Variants in LYPD5 observed in about 807,000 individuals in gnomAD.
The protein encoded by LYPD5 is ly6/PLAUR domain-containing protein 5.
In LYPD5, 21 loss-of-function variants were observed where a neutral mutation model predicts 19.1. The observed-to-expected ratio is 1.10, with a 90% CI of 0.78 to 1.58. The LOEUF (loss-of-function observed/expected upper bound fraction) is 1.58, where lower values mean the gene tolerates loss of function less well. LYPD5 is among the 40% of genes most tolerant of loss of function. The pLI is 0.00. For synonymous variants in LYPD5, 128 were observed against 142.7 expected (o/e 0.90, Z 0.74); for missense variants, 287 against 329.8 (o/e 0.87, Z 1.00).
intron 1 of LYPD5, chr19:43,815,815 G>A: frequency 2.8e-6 from 1 of 354,072 alleles, no homozygotes; most frequent in South Asian, 2.3e-5. Context: ...TCAGCTCACT[G>A]CAACCTCTGC....
Position 43,797,287 on chromosome 19 carries a change from A to C in LYPD5, c.*304T>G. ...CAGGCTCTGGAGGGAGAGCACAGGAAGCCGTGTTATGGGGTGCCTGGTGCC... is the reference window on the plus strand; with the variant it reads ...CAGGCTCTGGAGGGAGAGCACAGGACGCCGTGTTATGGGGTGCCTGGTGCC... On this transcript the variant is annotated 3_prime_UTR_variant, in exon 5 of 5. Transcript: ENST00000377950. 2.8e-6 allele frequency: 1 copy of C among 359,274 alleles called. No individual in the cohort carries two copies. The highest frequency in any genetic ancestry group is 5.0e-5 in the East Asian group (1 of 20,056). 22.3% of individuals were successfully genotyped at this position (359,274 alleles called of 1,614,324 possible). A position where few individuals can be genotyped will look rare whatever the true frequency, so the allele number is the denominator to read the frequency against.
chr19:43,812,808 A>C (rs1269802273), intron 1 of LYPD5, among the ~76,000 whole-genome samples: 1 of 152,234 alleles, frequency 6.6e-6, no homozygotes, highest in East Asian at 1.9e-4. Flanking sequence ...CTACACGCAA[A>C]TTAAGGGACA....
chr19:43,813,310 C>T (rs1378772100), intron 1 of LYPD5, among the ~76,000 whole-genome samples: 1 of 151,988 alleles, frequency 6.6e-6, no homozygotes, highest in Non-Finnish European at 1.5e-5. Context: ...GGGAACTCCA[C>T]CGTCTCTCTC....
At chr19:43,819,005 C>G (rs950991164) in intron 1 of LYPD5, among the ~76,000 whole-genome samples, 9 of 152,076 alleles carry the variant, frequency 5.9e-5, no homozygotes, top group African/African-American at 2.2e-4. Context: ...ATTTTCTATT[C>G]TTGTGTAGTC....
chr19:43,805,308 A>T (rs537691231), upstream of LYPD5, among the ~76,000 whole-genome samples: 2 of 152,218 alleles, frequency 1.3e-5, no homozygotes, highest in African/African-American at 4.8e-5. Flanking sequence ...TGATTCCATT[A>T]ATCAAACAAG....
At chr19:43,810,391 C>T (rs1430113240) in intron 1 of LYPD5, among the ~76,000 whole-genome samples, 1 of 151,914 alleles carries the variant, frequency 6.6e-6, no homozygotes, top group Non-Finnish European at 1.5e-5. Flanking sequence ...GGCTGGAGTG[C>T]GCTGGCATCA....
In LYPD5 at chr19:43,798,548, G is replaced by A. The variant is rs767089867; in HGVS notation, c.424C>T (p.His142Tyr). 3.1e-6 allele frequency: 5 copies of A among 1,611,774 alleles called. No homozygotes were observed. The African/African-American group carries it at 6.7e-5, about 22-fold the overall frequency. Residue 142 changes from histidine to tyrosine, a missense_variant, in exon 4 of 5, where the codon CAC becomes TAC. Transcript: ENST00000377950. ...CTGCCGATAGCGCAGTCATCCTGGTGGACCCCGATACAGGCGTAGCACTCG... is the reference window on the plus strand; with the variant it reads ...CTGCCGATAGCGCAGTCATCCTGGTAGACCCCGATACAGGCGTAGCACTCG... ...GAECYACIGV[H>Y]QDDCAIGRSR...
At chr19:43,805,898 A>G (rs1970266858), upstream of LYPD5, among the ~76,000 whole-genome samples, 1 of 83,330 alleles carries the variant, frequency 1.2e-5, no homozygotes, top group African/African-American at 5.9e-5. Context: ...GTTCAGTAGT[A>G]TCAAGTGTAT....
chr19:43,812,210 G>A (rs1416807061), intron 1 of LYPD5, among the ~76,000 whole-genome samples: 1 of 152,126 alleles, frequency 6.6e-6, no homozygotes, highest in Non-Finnish European at 1.5e-5. Context: ...CTTTGCTTAT[G>A]TTATGTTTGC....
chr19:43,816,017 A>C (rs932300096), intron 1 of LYPD5, among the ~76,000 whole-genome samples: 1 of 150,698 alleles, frequency 6.6e-6, no homozygotes, highest in African/African-American at 2.5e-5. Context: ...TCCAGGTGTG[A>C]GCCACCACGC....
At chr19:43,813,862 A>AT (rs1351377515) in intron 1 of LYPD5, among the ~76,000 whole-genome samples, 1 of 151,938 alleles carries the variant, frequency 6.6e-6, no homozygotes, top group African/African-American at 2.4e-5. Flanking sequence ...TAATTTTTGT[A>AT]TTTTTAGCAG....
At chr19:43,819,283 C>CTTTTTTTTTTTTTTTT (rs560659624) in intron 1 of LYPD5, among the ~76,000 whole-genome samples, 4 of 110,522 alleles carry the variant, frequency 3.6e-5, no homozygotes, top group Non-Finnish European at 7.1e-5. Context: ...TCTTCTTCTT[C>CTTTTTTTTTTTTTTTT]TTTTTTTTTT....
chr19:43,806,640 G>A (rs936025766), upstream of LYPD5, among the ~76,000 whole-genome samples: 1 of 150,624 alleles, frequency 6.6e-6, no homozygotes, highest in Non-Finnish European at 1.5e-5. Context: ...CAGCCTGGGC[G>A]ACACAGCAAG....
rs142620051 is a variant in LYPD5, at chr19:43,798,356, G to A, written c.517+99C>T. On this transcript the variant is annotated intron_variant, in intron 4 of 4. Coordinates refer to ENST00000377950, the MANE Select transcript of LYPD5 (RefSeq NM_001031749.3). ...GTCATGCCTCCCACCTCAGAGCAGGGCCATGTCTCCCTGTTGGGCCTGTCT... is the reference window on the plus strand; with the variant it reads ...GTCATGCCTCCCACCTCAGAGCAGGACCATGTCTCCCTGTTGGGCCTGTCT... 2.3e-5 allele frequency: 33 copies of A among 1,429,234 alleles called. No homozygotes were observed. The African/African-American group carries it at 4.3e-4, about 19-fold the overall frequency. The allele number at this position is 1,429,234 out of a possible 1,614,324, so 88.5% of individuals were successfully genotyped here.
chr19:43,801,012 C>A (rs1258580869), intron 1 of LYPD5, among the ~76,000 whole-genome samples: 1 of 146,256 alleles, frequency 6.8e-6, no homozygotes, highest in East Asian at 2.0e-4. Context: ...AATGTATAGA[C>A]CCATGTAACA....
At chr19:43,813,668 T>C (rs894025811) in intron 1 of LYPD5, among the ~76,000 whole-genome samples, 2 of 152,174 alleles carry the variant, frequency 1.3e-5, no homozygotes, top group Non-Finnish European at 1.5e-5. Flanking sequence ...GTGGGGATTA[T>C]TGTTGTATTT....
chr19:43,799,006 G>A lies in LYPD5; in HGVS notation c.194-18C>T. 1.3e-6 allele frequency: 2 copies of A among 1,548,028 alleles called. No individual in the cohort carries two copies. The highest frequency in any genetic ancestry group is 1.7e-6 in the Non-Finnish European group (2 of 1,145,914). On this transcript the variant is annotated intron_variant, in intron 2 of 4. Coordinates refer to ENST00000377950, the MANE Select transcript of LYPD5 (RefSeq NM_001031749.3). Reference sequence around the variant, plus strand: ...GCGATACCCTGGGGGCGGGATCGGGGCTCGTGCTCTGCTTCCCGAAACCCT... The same window carrying A: ...GCGATACCCTGGGGGCGGGATCGGGACTCGTGCTCTGCTTCCCGAAACCCT...
At position 43,797,405 on chromosome 19, in the gene LYPD5, C is replaced by T. The variant is rs1970147092; in HGVS notation, c.*186G>A. The T allele has an allele frequency of 1.7e-6, 1 of 584,682 alleles. No homozygotes were observed. 36.2% of individuals were successfully genotyped at this position (584,682 alleles called of 1,614,324 possible). ...TTGCCCTCCCCGGGGATGCTGGTGA[C>T]TGTGTCCAGTTTCTTCCAGTACTGT... On this transcript the variant is annotated 3_prime_UTR_variant, in exon 5 of 5. Transcript: ENST00000377950.
chr19:43,799,922 C>T (rs549874734), intron 1 of LYPD5, 88 bp from the exon 2 acceptor site: 14 of 1,433,760 alleles, frequency 9.8e-6, no homozygotes, highest in South Asian at 2.8e-5. Flanking sequence ...GACAGGCACA[C>T]GGGCCTGGCC....
Sources: allele counts gnomAD v4.1 joint callset (sites outside exome capture counted in the v4.1 genomes callset), GRCh38; gene constraint gnomAD v4.1.1; transcripts MANE v1.5; gene names NCBI Gene and HGNC (gene_info 2026-07-23, HGNC 2026-07-21).